The following TTC33 variants were observed in gnomAD, a reference collection of about 807,000 sequenced individuals.
The protein encoded by TTC33 is tetratricopeptide repeat domain 33, also known as tetratricopeptide repeat protein 33.
TTC33 carries 24 observed loss-of-function variants against 29.4 expected under a neutral mutation model. The observed-to-expected ratio is 0.82, with a 90% CI of 0.59 to 1.15. TTC33 has a LOEUF of 1.15. Among genes scored for constraint, TTC33 ranks in the 50% most tolerant of loss-of-function variants. TTC33 has a pLI of 0.00. For missense variants in TTC33, 286 were observed against 310.4 expected (o/e 0.92, Z 0.59); for synonymous variants, 107 against 100.3 (o/e 1.07, Z -0.40).
chr5:40,727,082 A>G (rs1376753719), intron 4 of TTC33, among the ~76,000 whole-genome samples: 2 of 152,164 alleles, frequency 1.3e-5, no homozygotes, highest in African/African-American at 4.8e-5. Flanking sequence ...ATTCCTTACT[A>G]TTTCTGAGAA....
chr5:40,722,591 G>A (rs769599274), intron 4 of TTC33, among the ~76,000 whole-genome samples: 13 of 151,528 alleles, frequency 8.6e-5, no homozygotes, highest in East Asian at 2.0e-4. Context: ...GTCTCTGACC[G>A]GCCGCCCCGT....
At chr5:40,740,161 AT>A (rs1177984390) in intron 2 of TTC33, among the ~76,000 whole-genome samples, 1 of 151,916 alleles carries the variant, frequency 6.6e-6, no homozygotes, top group Non-Finnish European at 1.5e-5. Context: ...TTGTTATTTA[AT>A]GTCAATTATC....
intron 2 of TTC33, among the ~76,000 whole-genome samples, chr5:40,744,560 T>C (rs186793035): frequency 6.6e-6 from 1 of 150,604 alleles, no homozygotes; most frequent in Admixed American, 6.6e-5. Context: ...TTCTTTTAAA[T>C]TCTCAAACTC....
chr5:40,732,454 T>C (rs1742453770), intron 2 of TTC33, among the ~76,000 whole-genome samples: 1 of 151,694 alleles, frequency 6.6e-6, no homozygotes, highest in Non-Finnish European at 1.5e-5. Flanking sequence ...TTTCTGTAAC[T>C]ATATCAAGTA....
At chr5:40,747,805 T>C (rs1742824666) in intron 1 of TTC33, among the ~76,000 whole-genome samples, 1 of 152,188 alleles carries the variant, frequency 6.6e-6, no homozygotes, top group Non-Finnish European at 1.5e-5. Context: ...TCACTCCTGA[T>C]TCAAAAAAGC....
In TTC33 at chr5:40,712,640, A is replaced by AAGAGACC. The variant is rs1741918932; in HGVS notation, c.*3498_*3504dup. ...CTGCAAGGTTCACAATGTAGCTGGC[A>AAGAGACC]AGAGACCACAACATCGGTTCTCTGC... On this transcript the variant is annotated 3_prime_UTR_variant, in exon 5 of 5. Transcript: ENST00000337702. Among the ~76,000 whole-genome samples the AAGAGACC allele has an allele frequency of 6.6e-6, 1 of 152,216 alleles. No individual in the cohort carries two copies. Among genetic ancestry groups the AAGAGACC allele is most frequent in the South Asian group, 2.1e-4 (1 of 4,834 alleles).
rs1382212285 is a variant in TTC33, at chr5:40,716,165, C to G, written c.769G>C (p.Val257Leu). The change falls in exon 5 of 5, where the codon GTT becomes CTT. Residue 257 changes from valine (V) to leucine (L), a missense_variant. Val to Leu is a conservative substitution (Grantham distance 32). Transcript: ENST00000337702. ...EDGATPPDGS[V>L]FIKAR is the part of the protein sequence containing the mutation. Reference sequence around the variant, plus strand: ...CTGCTTCATCGGGCTTTGATAAAAACAGAGCCATCTGGTGGTGTAGCACCA... The same window carrying G: ...CTGCTTCATCGGGCTTTGATAAAAAGAGAGCCATCTGGTGGTGTAGCACCA... The G allele has an allele frequency of 1.9e-6, 3 of 1,606,584 alleles. No individual in the cohort carries two copies. In the African/African-American group the frequency reaches 4.0e-5, roughly 21 times the overall value.
At chr5:40,716,523 T>C (rs746285988) in intron 4 of TTC33, 25 bp from the exon 5 acceptor site, 1 of 1,520,590 alleles carries the variant, frequency 6.6e-7, no homozygotes, top group Non-Finnish European at 8.9e-7. Flanking sequence ...CAGAGTTTTT[T>C]GTTTTGGTTT....
chr5:40,744,492 T>TTG (rs1742755763), intron 2 of TTC33, among the ~76,000 whole-genome samples: 1 of 151,400 alleles, frequency 6.6e-6, no homozygotes, highest in South Asian at 2.1e-4. Context: ...TACCAGTTTT[T>TTG]TTTTTTTTTT....
chr5:40,743,375 C>T (rs959484686), intron 2 of TTC33, among the ~76,000 whole-genome samples: 20 of 152,270 alleles, frequency 1.3e-4, no homozygotes, highest in African/African-American at 4.6e-4. Context: ...AAAATAAGCA[C>T]AGTTTAAGAT....
At chr5:40,731,402 G>A (rs564553460) in intron 2 of TTC33, among the ~76,000 whole-genome samples, 27 of 152,076 alleles carry the variant, frequency 1.8e-4, no homozygotes, top group East Asian at 5.8e-4. Flanking sequence ...TCACTCTCAC[G>A]CTGCAATAAA....
intron 1 of TTC33, among the ~76,000 whole-genome samples, chr5:40,753,279 G>A (rs530967706): frequency 3.9e-5 from 6 of 151,968 alleles, no homozygotes; most frequent in South Asian, 4.1e-4. Flanking sequence ...CAGGAGAATC[G>A]CTTGAACTTA....
At chr5:40,726,462 CTTTTT>C (rs913016790) in intron 4 of TTC33, among the ~76,000 whole-genome samples, 1 of 146,472 alleles carries the variant, frequency 6.8e-6, no homozygotes, top group Admixed American at 6.9e-5. Context: ...TTTGAGTCAT[CTTTTT>C]TTTTTACCAT....
intron 2 of TTC33, among the ~76,000 whole-genome samples, chr5:40,730,839 G>A (rs569041736): frequency 4.6e-5 from 7 of 151,992 alleles, no homozygotes; most frequent in Admixed American, 2.6e-4. Flanking sequence ...AACAGATAAG[G>A]GAGAAAAAAG....
chr5:40,747,309 C>T (rs895847419), intron 1 of TTC33, among the ~76,000 whole-genome samples: 16 of 152,098 alleles, frequency 1.1e-4, no homozygotes, highest in Admixed American at 3.3e-4. Flanking sequence ...CTGCCCATCT[C>T]GGTCTCCCAA....
chr5:40,747,375 T>C (rs191780966), intron 1 of TTC33, among the ~76,000 whole-genome samples: 4 of 152,212 alleles, frequency 2.6e-5, no homozygotes, highest in Admixed American at 1.3e-4. Flanking sequence ...TGGTCTTTTA[T>C]GGAAGTATTC....
At position 40,718,310 on chromosome 5, in the gene TTC33, G is replaced by T. The variant is rs249408; in HGVS notation, c.436-1812C>A. Among the ~76,000 whole-genome samples, 162 of 152,290 alleles carry T rather than the reference G, an allele frequency of 1.1e-3. 1 individual carries two copies. In the East Asian group the frequency reaches 0.026, roughly 25 times the overall value. ...AATCCCAGCTACTTAGGAGGCTGAG[G>T]CAGGAAAATTGTTTGAACCCCGGAG... is the stretch of plus-strand genomic sequence containing the variant. On this transcript the variant is annotated intron_variant, in intron 4 of 4. Transcript: ENST00000337702.
intron 4 of TTC33, among the ~76,000 whole-genome samples, chr5:40,720,827 G>A (rs1227108635): frequency 6.6e-6 from 1 of 152,184 alleles, no homozygotes; most frequent in Non-Finnish European, 1.5e-5. Context: ...GGATTGGGAA[G>A]AACCCTGCAG....
At chr5:40,731,157 C>CAA (rs1454720050) in intron 2 of TTC33, among the ~76,000 whole-genome samples, 1 of 152,154 alleles carries the variant, frequency 6.6e-6, no homozygotes, top group East Asian at 1.9e-4. Flanking sequence ...TCCTTCCACT[C>CAA]ACAATTTTCT....
Sources: allele counts gnomAD v4.1 joint callset (sites outside exome capture counted in the v4.1 genomes callset), GRCh38; gene constraint gnomAD v4.1.1; transcripts MANE v1.5; gene names NCBI Gene and HGNC (gene_info 2026-07-23, HGNC 2026-07-21).